DPYD: variants seen among roughly 807,000 people sequenced by gnomAD.
The protein encoded by DPYD is dihydropyrimidine dehydrogenase, also known as dihydropyrimidine dehydrogenase [NADP(+)].
DPYD carries 109 observed loss-of-function variants against 116.2 expected under a neutral mutation model. The ratio of observed to expected loss-of-function variants is 0.94; its 90% CI spans 0.80 to 1.10. DPYD has a LOEUF of 1.10. Ranked by LOEUF, DPYD falls within the 50% of genes least tolerant of loss-of-function variation. The probability of loss-of-function intolerance (pLI) is 0.00; values close to 1 mark genes in which losing one functional copy is unlikely to be tolerated. For synonymous variants in DPYD, 440 were observed against 432.0 expected (o/e 1.02, Z -0.23); for missense variants, 1,302 against 1,254.5 (o/e 1.04, Z -0.57).
intron 8 of DPYD, among the ~76,000 whole-genome samples, chr1:97,641,114 C>T (rs1657869799): frequency 6.6e-6 from 1 of 152,124 alleles, no homozygotes; most frequent in Admixed American, 6.6e-5. Flanking sequence ...CTGAGACTGT[C>T]CTCAGGCTTG....
chr1:97,253,924 A>T (rs1290434205), intron 18 of DPYD, among the ~76,000 whole-genome samples: 1 of 152,184 alleles, frequency 6.6e-6, no homozygotes, highest in African/African-American at 2.4e-5. Flanking sequence ...AAAATATAAC[A>T]TTCATAGCTA....
At chr1:97,723,528 G>T (rs1012220547) in intron 4 of DPYD, among the ~76,000 whole-genome samples, 1 of 151,298 alleles carries the variant, frequency 6.6e-6, no homozygotes, top group African/African-American at 2.4e-5. Flanking sequence ...TAGTCCATTC[G>T]ATTCATTACA....
intron 18 of DPYD, among the ~76,000 whole-genome samples, chr1:97,288,711 C>T (rs1363186553): frequency 7.0e-6 from 1 of 143,178 alleles, no homozygotes; most frequent in Non-Finnish European, 1.5e-5. Context: ...ATTTATAGCA[C>T]TAAATGCCCA....
At chr1:97,134,398 C>T (rs1287130543) in intron 20 of DPYD, among the ~76,000 whole-genome samples, 2 of 152,032 alleles carry the variant, frequency 1.3e-5, no homozygotes, top group Non-Finnish European at 2.9e-5. Context: ...AACAGATTGC[C>T]TGAGTCTAGC....
intron 8 of DPYD, among the ~76,000 whole-genome samples, chr1:97,648,516 G>A (rs2100836148): frequency 6.6e-6 from 1 of 151,626 alleles, no homozygotes; most frequent in African/African-American, 2.4e-5. Context: ...ATGAGGTTTA[G>A]AAATAGTTAC....
chr1:97,523,972 T>C (rs1344139496), intron 12 of DPYD, among the ~76,000 whole-genome samples: 2 of 152,142 alleles, frequency 1.3e-5, no homozygotes, highest in Non-Finnish European at 2.9e-5. Flanking sequence ...GTAAATTTTA[T>C]ATTATGTATG....
chr1:97,280,501 C>T (rs1004653414), intron 18 of DPYD, among the ~76,000 whole-genome samples: 1 of 152,102 alleles, frequency 6.6e-6, no homozygotes, highest in Non-Finnish European at 1.5e-5. Context: ...AACTAAATGG[C>T]CATCTATAGA....
chr1:97,662,356 T>TGGTGTA (rs1172169407), intron 8 of DPYD, among the ~76,000 whole-genome samples: 3 of 151,638 alleles, frequency 2.0e-5, no homozygotes, highest in Non-Finnish European at 4.4e-5. Context: ...GCTGTGTACA[T>TGGTGTA]CAAACAGCTG....
chr1:97,918,075 C>T (rs1396403260), intron 1 of DPYD, among the ~76,000 whole-genome samples: 1 of 152,090 alleles, frequency 6.6e-6, no homozygotes, highest in African/African-American at 2.4e-5. Flanking sequence ...AGACTGTATC[C>T]AAACAGTACA....
chr1:97,740,290 TTAAC>T, intron 4 of DPYD, 98 bp downstream of exon 4: 1 of 955,476 alleles, frequency 1.0e-6, no homozygotes, highest in Non-Finnish European at 1.7e-6. Flanking sequence ...ATTTAATGGT[TTAAC>T]TGGATTTGCT....
At chr1:97,376,061 C>T (rs948685035) in intron 15 of DPYD, among the ~76,000 whole-genome samples, 3 of 152,148 alleles carry the variant, frequency 2.0e-5, no homozygotes, top group African/African-American at 7.2e-5. Flanking sequence ...TATGTTTTAT[C>T]TTACTTTATC....
At chr1:97,875,725 G>A (rs1324929345) in intron 2 of DPYD, among the ~76,000 whole-genome samples, 1 of 151,668 alleles carries the variant, frequency 6.6e-6, no homozygotes, top group Non-Finnish European at 1.5e-5. Flanking sequence ...TCTTTAAAGT[G>A]TTATTTTCTT....
intron 20 of DPYD, among the ~76,000 whole-genome samples, chr1:97,124,545 A>G (rs982109062): frequency 1.5e-4 from 23 of 152,112 alleles, no homozygotes; most frequent in African/African-American, 5.3e-4. Context: ...TGTATTTTCC[A>G]TTATTTCTTT....
At chr1:97,823,712 C>T (rs983621082) in intron 3 of DPYD, among the ~76,000 whole-genome samples, 1 of 151,794 alleles carries the variant, frequency 6.6e-6, no homozygotes, top group Admixed American at 6.6e-5. Flanking sequence ...GTGATTTCTT[C>T]ACCTACTTGT....
intron 19 of DPYD, among the ~76,000 whole-genome samples, chr1:97,208,696 T>C (rs758096612): frequency 7.9e-5 from 12 of 152,190 alleles, no homozygotes; most frequent in Non-Finnish European, 1.8e-4. Flanking sequence ...TATGGACTAA[T>C]CTTCCGGTTT....
chr1:97,529,421 C>G (rs192777773), intron 12 of DPYD, among the ~76,000 whole-genome samples: 36 of 152,190 alleles, frequency 2.4e-4, no homozygotes, highest in African/African-American at 6.7e-4. Context: ...CTTCACTAAA[C>G]ATTGTTTTGT....
intron 11 of DPYD, among the ~76,000 whole-genome samples, chr1:97,561,098 A>G (rs1363442393): frequency 6.6e-6 from 1 of 152,232 alleles, no homozygotes; most frequent in African/African-American, 2.4e-5. Flanking sequence ...ACAATAAAAT[A>G]GGACAGCATT....
chr1:97,656,817 TA>T (rs1243063796), intron 8 of DPYD, among the ~76,000 whole-genome samples: 6 of 149,120 alleles, frequency 4.0e-5, no homozygotes, highest in Admixed American at 2.0e-4. Flanking sequence ...AGGAATTTTT[TA>T]TTTTTTTTTT....
At position 97,768,954 on chromosome 1, in the gene DPYD, T is replaced by C. The variant is rs115041443; in HGVS notation, c.234-28475A>G. ...TTAACCACGATATAATCAAAAAATC[T>C]CCACAAAATAAAGAAAAAAACACAT... On this transcript the variant is annotated intron_variant, in intron 3 of 22. Coordinates refer to ENST00000370192, the MANE Select transcript of DPYD (RefSeq NM_000110.4). Among the ~76,000 whole-genome samples the C allele has an allele frequency of 1.8e-3, 279 of 151,712 alleles. 1 individual carries two copies. Among genetic ancestry groups the C allele is most frequent in the Non-Finnish European group, 3.4e-3 (232 of 67,878 alleles).
Sources: allele counts gnomAD v4.1 joint callset (sites outside exome capture counted in the v4.1 genomes callset), GRCh38; gene constraint gnomAD v4.1.1; transcripts MANE v1.5; gene names NCBI Gene and HGNC (gene_info 2026-07-23, HGNC 2026-07-21).